NCR1: variants seen among roughly 807,000 people sequenced by gnomAD.
NCR1 encodes natural cytotoxicity triggering receptor 1, also known as NK cell-activating receptor.
Under a neutral mutation model 32.5 loss-of-function variants are expected in NCR1, and 30 were observed. That is an observed-to-expected ratio of 0.92 (90% CI 0.69 to 1.25). The LOEUF (loss-of-function observed/expected upper bound fraction) is 1.25, where lower values mean the gene tolerates loss of function less well. NCR1 is among the 50% of genes most tolerant of loss of function. The pLI, the probability that NCR1 is intolerant of heterozygous loss-of-function variation, is 0.00. For synonymous variants in NCR1, 169 were observed against 143.4 expected (o/e 1.18, Z -1.28); for missense variants, 369 against 380.7 (o/e 0.97, Z 0.26).
chr19:54,920,857 G>C (rs952494658), downstream of NCR1, among the ~76,000 whole-genome samples: 1 of 152,044 alleles, frequency 6.6e-6, no homozygotes, highest in African/African-American at 2.4e-5. Flanking sequence ...TGTCATGCCA[G>C]CACTTTGGGA....
downstream of NCR1, among the ~76,000 whole-genome samples, chr19:54,919,899 T>C (rs1344415499): frequency 6.6e-6 from 1 of 152,162 alleles, no homozygotes; most frequent in Non-Finnish European, 1.5e-5. Context: ...GCTCGCACTC[T>C]TGTCTTCTGG....
At chr19:54,926,138 G>A in the NCR1 span, among the ~76,000 whole-genome samples, 5 of 152,094 alleles carry the variant, frequency 3.3e-5, no homozygotes, top group Admixed American at 2.6e-4. Context: ...TCTGTAGGAC[G>A]ATCTTCTGAA....
chr19:54,933,624 C>A, the NCR1 span: 1 of 1,614,222 alleles, frequency 6.2e-7, no homozygotes, highest in Non-Finnish European at 8.5e-7. Context: ...AGAAACTTCA[C>A]CCCTGTATCC....
the NCR1 span, among the ~76,000 whole-genome samples, chr19:54,926,081 C>A: frequency 6.6e-6 from 1 of 151,646 alleles, no homozygotes; most frequent in Non-Finnish European, 1.5e-5. Context: ...ATAAAAAATA[C>A]AAATAAGTCA....
chr19:54,930,668 T>C, the NCR1 span: 6 of 1,613,016 alleles, frequency 3.7e-6, no homozygotes, highest in Middle Eastern at 1.7e-4. Flanking sequence ...TGCTGTAACC[T>C]ACAGGATAAT....
rs1295764235 is a variant in NCR1, at chr19:54,910,821, T to G, written c.682+756T>G. On this transcript the variant is annotated intron_variant, in intron 5 of 6. Coordinates refer to ENST00000291890, the MANE Select transcript of NCR1 (RefSeq NM_004829.7). ...GGCAGCTAGCAATATTAAATAGGTT[T>G]GTCCAGATGGACCTCACAGAGAAAG... Among the ~76,000 whole-genome samples, 33 of 152,154 alleles carry G rather than the reference T, an allele frequency of 2.2e-4. 1 individual carries two copies. The highest frequency in any genetic ancestry group is 2.9e-5 in the Non-Finnish European group (2 of 68,030).
chr19:54,926,466 G>A, the NCR1 span, among the ~76,000 whole-genome samples: 1 of 152,130 alleles, frequency 6.6e-6, no homozygotes, highest in Non-Finnish European at 1.5e-5. Context: ...TTCTCTGCAT[G>A]GGAAATTCAC....
At chr19:54,937,501 G>A in the NCR1 span, among the ~76,000 whole-genome samples, 2 of 151,808 alleles carry the variant, frequency 1.3e-5, no homozygotes, top group Admixed American at 1.3e-4. Context: ...AGACAAGCCT[G>A]GCCAAGATGG....
Position 54,912,887 on chromosome 19 carries a change from C to T in NCR1, c.*16C>T. The T allele has an allele frequency of 6.2e-7, 1 of 1,611,206 alleles. No individual in the cohort carries two copies. The highest frequency in any genetic ancestry group is 8.5e-7 in the Non-Finnish European group (1 of 1,178,410). ...GACTCTTTGAAGAATGACCATGAGA[C>T]ACAGTGGCCATGGGTGGATCTGAAA... On this transcript the variant is annotated 3_prime_UTR_variant, in exon 7 of 7. Transcript: ENST00000291890.
At chr19:54,913,101 G>A (rs2068059001), downstream of NCR1, 10 of 414,870 alleles carry the variant, frequency 2.4e-5, no homozygotes, top group South Asian at 2.8e-4. Flanking sequence ...TGCCCAGGCT[G>A]GAGTGCAATG....
the NCR1 span, among the ~76,000 whole-genome samples, chr19:54,899,086 G>A: frequency 9.9e-5 from 15 of 152,062 alleles, no homozygotes; most frequent in Middle Eastern, 3.2e-3. Context: ...GATTTGGGAC[G>A]AGTTGCACTG....
rs1173610812 is a variant in NCR1 at position 54,912,864 on chromosome 19, C to A, written c.908C>A (p.Thr303Asn). The A allele has an allele frequency of 5.0e-6, 8 of 1,613,076 alleles. No individual in the cohort carries two copies. The highest frequency in any genetic ancestry group is 5.9e-6 in the Non-Finnish European group (7 of 1,179,818). ...GGCAGGAGAAGGCTGAACACACAGACTCTTTGAAGAATGACCATGAGACAC... is the reference window on the plus strand; with the variant it reads ...GGCAGGAGAAGGCTGAACACACAGAATCTTTGAAGAATGACCATGAGACAC... ...WEGRRRLNTQ[T>N]L Residue 303 changes from threonine (T) to asparagine (N), a missense_variant, in exon 7 of 7, where the codon ACT (threonine) becomes AAT (asparagine). Coordinates refer to ENST00000291890, the MANE Select transcript of NCR1 (RefSeq NM_004829.7).
At chr19:54,908,614 G>T (rs949540048) in intron 3 of NCR1, among the ~76,000 whole-genome samples, 3 of 151,410 alleles carry the variant, frequency 2.0e-5, no homozygotes, top group African/African-American at 7.3e-5. Context: ...CCGGGCGGGG[G>T]CTGCCCCCCA....
the NCR1 span, chr19:54,933,700 G>C: frequency 6.2e-7 from 1 of 1,614,194 alleles, no homozygotes; most frequent in East Asian, 2.2e-5. Flanking sequence ...CAGCAGCAAG[G>C]TCCTTGCAAC....
downstream of NCR1, among the ~76,000 whole-genome samples, chr19:54,915,375 G>A (rs74325461): frequency 0.025 from 3,816 of 152,134 alleles, 163 homozygotes; most frequent in African/African-American, 0.086. Flanking sequence ...CATCGCATGG[G>A]TCCTCACGCC....
At chr19:54,934,659 C>A in the NCR1 span, 99 of 1,612,358 alleles carry the variant, frequency 6.1e-5, no homozygotes, top group East Asian at 2.2e-3. This position sits in a 1 kb window ranked among gnomAD's most constrained non-coding sequence, Gnocchi z 6.7. Flanking sequence ...GACCTCCCAA[C>A]CTGTGAAAAG....
the NCR1 span, among the ~76,000 whole-genome samples, chr19:54,935,838 G>A: frequency 6.6e-6 from 1 of 152,106 alleles, no homozygotes; most frequent in African/African-American, 2.4e-5. Context: ...CATAGGATCA[G>A]GCACCAACGA....
chr19:54,936,147 A>G, the NCR1 span: 1 of 905,768 alleles, frequency 1.1e-6, no homozygotes, highest in East Asian at 2.5e-5. Context: ...TGTTTGAGGA[A>G]TACATTCCCT....
At chr19:54,919,913 C>T (rs933654909), downstream of NCR1, among the ~76,000 whole-genome samples, 210 of 152,300 alleles carry the variant, frequency 1.4e-3, no homozygotes, top group African/African-American at 4.7e-3. Flanking sequence ...CTTCTGGTCA[C>T]ACCTCACTAT....
Sources: gnomAD v4.1 joint callset for allele counts (sites outside exome capture counted in the v4.1 genomes callset) on GRCh38, gnomAD v4.1.1 for gene constraint, Gnocchi (gnomAD v3.1) non-coding constraint, MANE v1.5 for transcripts, NCBI Gene and HGNC (gene_info 2026-07-23, HGNC 2026-07-21) for gene names.